Variants in TRMT1 observed in about 807,000 individuals in gnomAD.
TRMT1 encodes tRNA methyltransferase 1.
TRMT1 carries 63 observed loss-of-function variants against 75.4 expected under a neutral mutation model. That is an observed-to-expected ratio of 0.84 (90% CI 0.68 to 1.03). The LOEUF is 1.03. TRMT1 is among the 50% of genes least tolerant of loss of function. The pLI is 0.00. For synonymous variants in TRMT1, 382 were observed against 358.1 expected, an observed-to-expected ratio of 1.07 and a Z score of -0.75; for missense variants, 870 against 905.3, an observed-to-expected ratio of 0.96 and a Z score of 0.50.
chr19:13,110,312 G>T lies in TRMT1; in HGVS notation c.871-6C>A, dbSNP rs926527796. ...TGCAGGACGATTCTCAGGGCCTGGG[G>T]GTGGGGGGTGGGTGTCAGCCTCCCC... On this transcript the variant is annotated splice_polypyrimidine_tract_variant and splice_region_variant and intron_variant, in intron 7 of 16. Transcript: ENST00000357720. 5 of 882,992 alleles carry T rather than the reference G, an allele frequency of 5.7e-6. No individual in the cohort carries two copies. 54.7% of individuals were successfully genotyped at this position (882,992 alleles called of 1,614,324 possible). A position where few individuals can be genotyped will look rare whatever the true frequency, so the allele number is the denominator to read the frequency against.
rs542959366 is a variant in TRMT1, at chr19:13,105,977, G to A, written c.1584-371C>T. ...CTCGGGACGCTGAGGCAGGAGAATC[G>A]CTTGAACCTGGGAGGCGGAGGTTGC... On this transcript the variant is annotated intron_variant, in intron 14 of 16. Transcript: ENST00000357720. Among the ~76,000 whole-genome samples the A allele has an allele frequency of 3.3e-5, 5 of 152,158 alleles. No individual in the cohort carries two copies. In the East Asian group the frequency reaches 9.7e-4, roughly 30 times the overall value.
rs1474819452 is a variant in TRMT1, at chr19:13,115,683, ACT to A, written c.394_395del (p.Ser132Ter). ...QEEEKVELKE[S>X]ENLASGDQPR... ...GTTGGTCTCCTGAGGCCAGGTTTTC[ACT>A]CTCTTTCAGTTCAACCTTTTCCTCC... On this transcript the variant is annotated frameshift_variant, in exon 4 of 17. Transcript: ENST00000357720. LOFTEE classifies it high-confidence loss of function. 1.1e-5 allele frequency: 17 copies of A among 1,613,518 alleles called. No homozygotes were observed. The East Asian group carries it at 3.8e-4, about 36-fold the overall frequency.
In TRMT1 at chr19:13,112,835, G is replaced by C. The variant is rs1012636004; in HGVS notation, c.758-18C>G. The C allele has an allele frequency of 1.2e-6, 2 of 1,614,052 alleles. No homozygotes were observed. The highest frequency in any genetic ancestry group is 3.3e-5 in the Admixed American group (2 of 60,014). On this transcript the variant is annotated intron_variant, in intron 6 of 16. Transcript: ENST00000357720. ...CAGCAACCCTGCAGAGAGGGGCTGG[G>C]CAGTGAGAACCCTCCAACACCCCAA... is the stretch of plus-strand genomic sequence containing the variant.
chr19:13,112,902 C>T lies in TRMT1; in HGVS notation c.751G>A (p.Glu251Lys), dbSNP rs1350376463. 1 of 1,613,040 alleles carries T rather than the reference C, an allele frequency of 6.2e-7. No individual in the cohort carries two copies. The highest frequency in any genetic ancestry group is 1.3e-5 in the African/African-American group (1 of 75,066). ...AGTGCCATCCCCACCTCACCTCCTT[C>T]ACTCACAGCCTGCACAGCTGCATCC... ...FLDAAVQAVS[E>K]GGLLCVTCTD... Residue 251 changes from glutamate (E) to lysine (K), a missense_variant, in exon 6 of 17, where the codon GAA becomes AAA. By Grantham distance (56) the Glu-to-Lys change is moderately conservative (BLOSUM62 1). Transcript: ENST00000357720.
Position 13,112,768 on chromosome 19 carries a change from G to A in TRMT1, c.807C>T (p.Ser269=), listed in dbSNP as rs138434297. Reference sequence around the variant, plus strand: ...CGTACTTGCTGTAGCACGTCTCCCCGCTGTTCCCCGCCAACACCGCCATGT... The same window carrying A: ...CGTACTTGCTGTAGCACGTCTCCCCACTGTTCCCCGCCAACACCGCCATGT... ...CTDMAVLAGN[S]GETCYSKYGA... is the part of the protein sequence containing the mutation. The change falls in exon 7 of 17, where the codon AGC becomes AGT. Residue 269 remains serine (S), a synonymous_variant. Coordinates refer to ENST00000357720, the MANE Select transcript of TRMT1 (RefSeq NM_001136035.4). 5.0e-6 allele frequency: 8 copies of A among 1,613,770 alleles called. No homozygotes were observed. Among genetic ancestry groups the A allele is most frequent in the African/African-American group, 1.3e-5 (1 of 74,904 alleles).
rs370193967 is a variant in TRMT1 at position 13,115,651 on chromosome 19, G to C, written c.428C>G (p.Thr143Arg). The change falls in exon 4 of 17, where the codon ACA (threonine) becomes AGA (arginine). Residue 143 changes from threonine to arginine, a missense_variant. Coordinates refer to ENST00000357720, the MANE Select transcript of TRMT1 (RefSeq NM_001136035.4). ...CTCACAGATCTCCCCCACGGCCGCT[G>C]TGCGAGGTTGGTCTCCTGAGGCCAG... ...ENLASGDQPR[T>R]AAVGEICEEG... The C allele has an allele frequency of 6.8e-6, 11 of 1,613,862 alleles. No homozygotes were observed. The highest frequency in any genetic ancestry group is 8.5e-6 in the Non-Finnish European group (10 of 1,180,024).
Position 13,116,490 on chromosome 19 carries a change from G to A in TRMT1, c.-32-59C>T, listed in dbSNP as rs535170744. 5.3e-6 allele frequency: 8 copies of A among 1,501,870 alleles called. No individual in the cohort carries two copies. In the African/African-American group the frequency reaches 9.7e-5, roughly 18 times the overall value. The allele number at this position is 1,501,870 out of a possible 1,614,324, so 93.0% of individuals were successfully genotyped here. A position where few individuals can be genotyped will look rare whatever the true frequency, so the allele number is the denominator to read the frequency against. On this transcript the variant is annotated intron_variant, in intron 1 of 16. Transcript: ENST00000357720. ...GTCAGAGAGCCGCATTCCGGGCCCGGGGATGTCCTACATATCTATGAGGTA... is the reference window on the plus strand; with the variant it reads ...GTCAGAGAGCCGCATTCCGGGCCCGAGGATGTCCTACATATCTATGAGGTA...
In TRMT1 at chr19:13,116,245, A is replaced by T. The variant is rs1392536280; in HGVS notation, c.155T>A (p.Val52Asp). The T allele has an allele frequency of 6.2e-7, 1 of 1,614,132 alleles. No individual in the cohort carries two copies. The highest frequency in any genetic ancestry group is 8.5e-7 in the Non-Finnish European group (1 of 1,180,020). Residue 52 changes from valine (V) to aspartate (D), a missense_variant, in exon 2 of 17, where the codon GTC (valine) becomes GAC (aspartate). Transcript: ENST00000357720. ...CCCCTCGGTGACTGTCGTCTCCTGG[A>T]CTTCACGTGGACGTTCTTCTCCGTA... ...GPYGEERPRE[V>D]QETTVTEGAA...
At chr19:13,108,495 G>A (rs528265707) in intron 12 of TRMT1, among the ~76,000 whole-genome samples, 4 of 149,094 alleles carry the variant, frequency 2.7e-5, no homozygotes, top group Non-Finnish European at 5.9e-5. Flanking sequence ...GTTTCGCCAC[G>A]TTGACCGGGC....
rs374230669 is a variant in TRMT1, at chr19:13,105,382, T to C, written c.1718A>G (p.Asp573Gly). Residue 573 changes from aspartate (D) to glycine (G), a missense_variant, in exon 16 of 17, where the codon GAC (aspartate) becomes GGC (glycine). By Grantham distance (94) the Asp-to-Gly change is moderately conservative (BLOSUM62 -1). Transcript: ENST00000357720. ...CCTGCGTCTCTCCTCCATAGCTTCGTCGGCCGCCTTGCCCCTGTGCGAGGG... is the reference window on the plus strand; with the variant it reads ...CCTGCGTCTCTCCTCCATAGCTTCGCCGGCCGCCTTGCCCCTGTGCGAGGG... ...PRARPGGKAA[D>G]EAMEERRRLL... The C allele has an allele frequency of 3.7e-6, 6 of 1,613,630 alleles. No homozygotes were observed. In the African/African-American group the frequency reaches 4.0e-5, roughly 11 times the overall value.
chr19:13,112,747 C>T lies in TRMT1; in HGVS notation c.828G>A (p.Lys276=), dbSNP rs376753295. The T allele has an allele frequency of 4.3e-6, 7 of 1,613,644 alleles. No individual in the cohort carries two copies. Among genetic ancestry groups the T allele is most frequent in the South Asian group, 2.2e-5 (2 of 91,092 alleles). ...AGNSGETCYS[K]YGAMALKSRA... ...GGCTCTTGAGGGCCATGGCCCCGTA[C>T]TTGCTGTAGCACGTCTCCCCGCTGT... The change falls in exon 7 of 17, where the codon AAG becomes AAA. Residue 276 remains lysine (K), a synonymous_variant. Transcript: ENST00000357720.
rs749870653 is a variant in TRMT1, at chr19:13,110,274, G to A, written c.903C>T (p.Leu301=). Residue 301 remains leucine, a synonymous_variant, in exon 8 of 17, where the codon CTC becomes CTT. Transcript: ENST00000357720. ...ALRIVLHSLD[L]RANCYQRFVV... The stretch of plus-strand genomic sequence containing the variant: ...CGAAGCGCTGGTAGCAGTTGGCGCG[G>A]AGGTCCAGGCTGTGCAGGACGATTC... 6.2e-7 allele frequency: 1 copy of A among 1,606,874 alleles called. No individual in the cohort carries two copies. The highest frequency in any genetic ancestry group is 2.3e-5 in the East Asian group (1 of 44,200).
chr19:13,105,206 C>T, intron 16 of TRMT1, 61 bp downstream of exon 16: 1 of 1,571,294 alleles, frequency 6.4e-7, no homozygotes, highest in South Asian at 1.2e-5. Context: ...AATTCTCTCC[C>T]TGTTGCCCAA....
chr19:13,116,144 A>G lies in TRMT1; in HGVS notation c.254+2T>C, dbSNP rs749197431. 5 of 1,614,002 alleles carry G rather than the reference A, an allele frequency of 3.1e-6. No individual in the cohort carries two copies. Among genetic ancestry groups the G allele is most frequent in the Non-Finnish European group, 3.4e-6 (4 of 1,179,996 alleles). ...CCAGGCTAACGTCTGACCCCTGCTC[A>G]CGTCAGGTCCCGATTGAATTCCTGC... On this transcript the variant is annotated splice_donor_variant, in intron 2 of 16. Transcript: ENST00000357720. LOFTEE classifies it high-confidence loss of function.
rs2019358066 is a variant in TRMT1, at chr19:13,116,338, GC to G, written c.61del (p.Ala21ProfsTer64). 1.9e-6 allele frequency: 3 copies of G among 1,613,432 alleles called. No individual in the cohort carries two copies. The highest frequency in any genetic ancestry group is 2.5e-6 in the Non-Finnish European group (3 of 1,179,904). On this transcript the variant is annotated frameshift_variant, in exon 2 of 17. Coordinates refer to ENST00000357720, the MANE Select transcript of TRMT1 (RefSeq NM_001136035.4). LOFTEE classifies it high-confidence loss of function. ...TFRSARVLSRARFFEWQSPGL... is the reference protein window; with the variant it reads ...TFRSARVLSRXRFFEWQSPGL... ...TGGAGACTGCCACTCGAAAAACCGG[GC>G]TCTAGAGAGCACCCGGGCGGAGCGG...
chr19:13,109,754 C>T lies in TRMT1; in HGVS notation c.1176+15G>A. On this transcript the variant is annotated intron_variant, in intron 10 of 16. Transcript: ENST00000357720. ...AGACCCTCTTGCTCCTTTGCCTCCC[C>T]TGGCCTAGCCCTACCTGGTGTCGTT... 1.9e-6 allele frequency: 3 copies of T among 1,614,112 alleles called. No homozygotes were observed. In the South Asian group the frequency reaches 3.3e-5, roughly 18 times the overall value.
Position 13,107,618 on chromosome 19 carries a change from T to G in TRMT1, c.1539A>C (p.Leu513=), listed in dbSNP as rs1031385391. The G allele has an allele frequency of 1.2e-6, 2 of 1,608,982 alleles. No homozygotes were observed. Among genetic ancestry groups the G allele is most frequent in the Admixed American group, 1.7e-5 (1 of 59,586 alleles). Residue 513 remains leucine (L), a synonymous_variant, in exon 14 of 17, where the codon CTA becomes CTC. Transcript: ENST00000357720. ...EKECPVKRER[L]SETSPAFRIL... is the part of the protein sequence containing the mutation. ...TGCGGAACGCTGGGCTAGTCTCTGATAGTCGCTCCCGTTTCACCGGACATT... is the reference window on the plus strand; with the variant it reads ...TGCGGAACGCTGGGCTAGTCTCTGAGAGTCGCTCCCGTTTCACCGGACATT...
At chr19:13,115,868 G>A (rs1306657725) in intron 3 of TRMT1, 100 bp from the exon 4 acceptor site, 2 of 1,604,942 alleles carry the variant, frequency 1.2e-6, no homozygotes, top group Admixed American at 1.7e-5. Flanking sequence ...CCTGCGGAAA[G>A]GCTGAAGGAG....
rs1441236221 is a variant in TRMT1, at chr19:13,105,540, G to C, written c.1650C>G (p.Arg550=). The change falls in exon 15 of 17, where the codon CGC becomes CGG. Residue 550 remains arginine (R), a synonymous_variant. Transcript: ENST00000357720. Reference sequence around the variant, plus strand: ...AGTTGGCCTCCGGGTTAGCCTGGAAGCGCTTGAGTCCTCGCTGTCGGGAGC... The same window carrying C: ...AGTTGGCCTCCGGGTTAGCCTGGAACCGCTTGAGTCCTCGCTGTCGGGAGC... ...NPSSRQRGLK[R]FQANPEANWG... The C allele has an allele frequency of 1.9e-6, 3 of 1,613,972 alleles. No individual in the cohort carries two copies. In the Admixed American group the frequency reaches 5.0e-5, roughly 27 times the overall value.
Sources: gnomAD v4.1 joint callset for allele counts (sites outside exome capture counted in the v4.1 genomes callset) on GRCh38, gnomAD v4.1.1 for gene constraint, MANE v1.5 for transcripts, NCBI Gene and HGNC (gene_info 2026-07-23, HGNC 2026-07-21) for gene names.